Variants in SLC14A2 observed in about 807,000 individuals in gnomAD.
The protein encoded by SLC14A2 is urea transporter 2.
In SLC14A2, 91 loss-of-function variants were observed where a neutral mutation model predicts 104.6. That is an observed-to-expected ratio of 0.87 (90% CI 0.73 to 1.04). The LOEUF (loss-of-function observed/expected upper bound fraction) is 1.04. SLC14A2 is among the 50% of genes least tolerant of loss of function. The probability of loss-of-function intolerance (pLI) is 0.00; values close to 1 mark genes in which losing one functional copy is unlikely to be tolerated. For synonymous variants in SLC14A2, 476 were observed against 466.4 expected (o/e 1.02, Z -0.27); for missense variants, 1,189 against 1,156.0 (o/e 1.03, Z -0.41).
intron 1 of SLC14A2, among the ~76,000 whole-genome samples, chr18:45,304,790 G>T (rs1443086020): frequency 6.6e-6 from 1 of 152,192 alleles, no homozygotes; most frequent in Non-Finnish European, 1.5e-5. Context: ...CCCCAGTCTG[G>T]ATTCAACAGC....
At chr18:45,562,648 C>T (rs1441832397) in intron 2 of SLC14A2, among the ~76,000 whole-genome samples, 4 of 152,106 alleles carry the variant, frequency 2.6e-5, no homozygotes, top group Non-Finnish European at 4.4e-5. Context: ...CCCGGGCAGC[C>T]GGCCTGGGTG....
At chr18:45,511,105 T>TA (rs1361085629) in intron 2 of SLC14A2, among the ~76,000 whole-genome samples, 4 of 151,946 alleles carry the variant, frequency 2.6e-5, no homozygotes, top group Non-Finnish European at 5.9e-5. Context: ...TTGTTTTTTT[T>TA]TCTTTTTTCC....
At chr18:45,469,138 A>T (rs531961898) in intron 1 of SLC14A2, among the ~76,000 whole-genome samples, 1 of 152,206 alleles carries the variant, frequency 6.6e-6, no homozygotes, top group Non-Finnish European at 1.5e-5. Flanking sequence ...TGATTATGGT[A>T]CAGGTCAGGA....
At position 45,669,504 on chromosome 18, in the gene SLC14A2, T is replaced by C; in HGVS notation, c.2229+6T>C. The C allele has an allele frequency of 1.9e-6, 3 of 1,610,838 alleles. No individual in the cohort carries two copies. The highest frequency in any genetic ancestry group is 1.7e-6 in the Non-Finnish European group (2 of 1,177,790). On this transcript the variant is annotated splice_donor_region_variant and intron_variant, in intron 16 of 19. Coordinates refer to ENST00000255226, the MANE Select transcript of SLC14A2 (RefSeq NM_007163.4). ...CAGAGGTCCAAGTGCCCTTGGTACG[T>C]ATCATGGAAGGAGGAAGGGCAGGTC...
chr18:45,178,430 T>C, the SLC14A2 span, among the ~76,000 whole-genome samples: 1 of 152,066 alleles, frequency 6.6e-6, no homozygotes, highest in Non-Finnish European at 1.5e-5. Context: ...CACACGTTAT[T>C]GGCATTAAAG....
the SLC14A2 span, among the ~76,000 whole-genome samples, chr18:45,174,232 C>A: frequency 6.6e-6 from 1 of 152,134 alleles, no homozygotes; most frequent in African/African-American, 2.4e-5. Flanking sequence ...ACCATGTCAG[C>A]ATCTCTATTA....
At chr18:45,671,838 A>G (rs2046144683) in intron 16 of SLC14A2, among the ~76,000 whole-genome samples, 2 of 152,006 alleles carry the variant, frequency 1.3e-5, no homozygotes, top group Admixed American at 1.3e-4. Flanking sequence ...GCCTCTCCTC[A>G]GCTTCCTGCC....
intron 1 of SLC14A2, among the ~76,000 whole-genome samples, chr18:45,254,981 A>G (rs966546030): frequency 6.6e-6 from 1 of 152,192 alleles, no homozygotes; most frequent in African/African-American, 2.4e-5. Context: ...GGCCTTCTGC[A>G]TTAGTAATGC....
In SLC14A2 at chr18:45,300,410, C is replaced by A. The variant is rs563259009; in HGVS notation, c.-125+87219C>A. Among the ~76,000 whole-genome samples the A allele has an allele frequency of 1.3e-3, 201 of 151,404 alleles. 4 individuals are homozygous for A. Among genetic ancestry groups the A allele is most frequent in the South Asian group, 5.7e-3 (27 of 4,758 alleles). On this transcript the variant is annotated intron_variant, in intron 1 of 20. Transcript: ENST00000586448. ...TCTATCTCAAGTTCTTGTAATTAAC[C>A]AATATGCTGTTCTGCTGAACCCTCC... is the stretch of plus-strand genomic sequence containing the variant.
At chr18:45,304,721 G>C (rs946755704) in intron 1 of SLC14A2, among the ~76,000 whole-genome samples, 4 of 152,132 alleles carry the variant, frequency 2.6e-5, no homozygotes, top group Admixed American at 1.3e-4. Context: ...GGAGAGAGCA[G>C]CCTAACTACA....
intron 1 of SLC14A2, among the ~76,000 whole-genome samples, chr18:45,359,277 G>C (rs182234471): frequency 8.5e-5 from 13 of 152,302 alleles, no homozygotes; most frequent in African/African-American, 3.1e-4. Context: ...GCTGAGAAGA[G>C]AGTTTGGGGT....
intron 1 of SLC14A2, among the ~76,000 whole-genome samples, chr18:45,284,078 T>G (rs1348291310): frequency 1.3e-5 from 2 of 152,242 alleles, no homozygotes; most frequent in Non-Finnish European, 2.9e-5. Context: ...GAACTTTTAT[T>G]TTTAAATGTG....
intron 1 of SLC14A2, chr18:45,447,702 A>T (rs144404764): frequency 6.6e-6 from 1 of 152,322 alleles, no homozygotes; most frequent in Non-Finnish European, 1.5e-5. Context: ...GGAGATTCAT[A>T]ATGCATGGAC....
At chr18:45,278,963 A>C (rs748919559) in intron 1 of SLC14A2, among the ~76,000 whole-genome samples, 29 of 152,206 alleles carry the variant, frequency 1.9e-4, no homozygotes, top group Non-Finnish European at 2.5e-4. Context: ...CAGTCCCAAA[A>C]GTTTCTATCT....
rs755528858 is a variant in SLC14A2 at position 45,625,742 on chromosome 18, G to A, written c.210G>A (p.Arg70=). 1.3e-6 allele frequency: 2 copies of A among 1,565,986 alleles called. No individual in the cohort carries two copies. The highest frequency in any genetic ancestry group is 2.4e-5 in the East Asian group (1 of 40,982). Residue 70 remains arginine, a synonymous_variant, in exon 3 of 20, where the codon AGG becomes AGA. Coordinates refer to ENST00000255226, the MANE Select transcript of SLC14A2 (RefSeq NM_007163.4). The stretch of plus-strand genomic sequence containing the variant: ...TGAAGATCGAAAAGCTCAATGAAAG[G>A]AGTAAAAGGAAAGACGACGGGGTGG... ...HIVKIEKLNE[R]SKRKDDGVAH... is the part of the protein sequence containing the mutation.
intron 15 of SLC14A2, among the ~76,000 whole-genome samples, 159 bp downstream of exon 15, chr18:45,668,636 G>A (rs1466287459): frequency 6.6e-6 from 1 of 152,146 alleles, no homozygotes; most frequent in Non-Finnish European, 1.5e-5. Flanking sequence ...TTATACCATG[G>A]TAGCCCCATG....
chr18:45,673,312 C>T (rs2046172541), intron 17 of SLC14A2, among the ~76,000 whole-genome samples: 1 of 152,178 alleles, frequency 6.6e-6, no homozygotes. Flanking sequence ...GGTATATTTA[C>T]ATGTTAAGTG....
intron 1 of SLC14A2, among the ~76,000 whole-genome samples, chr18:45,357,690 G>A (rs1411520454): frequency 6.6e-6 from 1 of 152,148 alleles, no homozygotes; most frequent in Non-Finnish European, 1.5e-5. Flanking sequence ...GCAGAGGAGG[G>A]AAGAGAAGCA....
At chr18:45,681,704 C>T (rs966806689) in intron 19 of SLC14A2, among the ~76,000 whole-genome samples, 1 of 152,242 alleles carries the variant, frequency 6.6e-6, no homozygotes, top group African/African-American at 2.4e-5. Flanking sequence ...CTACTGCACA[C>T]ATCCCCCAAT....
Sources: allele counts gnomAD v4.1 joint callset (sites outside exome capture counted in the v4.1 genomes callset), GRCh38; gene constraint gnomAD v4.1.1; transcripts MANE v1.5; gene names NCBI Gene and HGNC (gene_info 2026-07-23, HGNC 2026-07-21).